TRIM33: variants seen among roughly 807,000 people sequenced by gnomAD.
TRIM33 encodes tripartite motif containing 33.
Under a neutral mutation model 125.4 loss-of-function variants are expected in TRIM33, and 20 were observed. That is an observed-to-expected ratio of 0.16 (90% confidence interval 0.11 to 0.23). The LOEUF is 0.23. TRIM33 is among the 10% of genes least tolerant of loss of function. The pLI is 1.00. For synonymous variants in TRIM33, 564 were observed against 513.9 expected (o/e 1.10, Z -1.32); for missense variants, 920 against 1,411.4 (o/e 0.65, Z 5.58).
chr1:114,393,097 A>G lies in TRIM33; in HGVS notation c.*4551T>C. The G allele has an allele frequency of 4.9e-6, 1 of 205,142 alleles. No individual in the cohort carries two copies. Among genetic ancestry groups the G allele is most frequent in the Non-Finnish European group, 1.0e-5 (1 of 99,782 alleles). 12.7% of individuals were successfully genotyped at this position (205,142 alleles called of 1,614,324 possible). On this transcript the variant is annotated 3_prime_UTR_variant, in exon 20 of 20. Transcript: ENST00000358465. ...GAATCATATTGAAGGGCAGTTAACT[A>G]TGTGCAAAAATAATAGTACTAGTAG...
chr1:114,501,428 G>A (rs1652709245), intron 1 of TRIM33, among the ~76,000 whole-genome samples: 1 of 152,190 alleles, frequency 6.6e-6, no homozygotes. Context: ...AGGACTACTA[G>A]AGTATCTTTC....
At chr1:114,507,206 G>A (rs1653053028) in intron 1 of TRIM33, among the ~76,000 whole-genome samples, 1 of 152,216 alleles carries the variant, frequency 6.6e-6, no homozygotes, top group South Asian at 2.1e-4. Context: ...TCAAGACAGT[G>A]GTTCTCAAAC....
chr1:114,406,323 A>G (rs545299967), intron 14 of TRIM33, among the ~76,000 whole-genome samples: 148 of 152,322 alleles, frequency 9.7e-4, no homozygotes, highest in African/African-American at 3.5e-3. Context: ...TGTTAAATAT[A>G]CCAATACCTT....
chr1:114,492,882 CTGTT>C (rs1209853735), intron 1 of TRIM33, among the ~76,000 whole-genome samples: 1 of 152,196 alleles, frequency 6.6e-6, no homozygotes, highest in Non-Finnish European at 1.5e-5. Context: ...TGGCAAGTAT[CTGTT>C]TGAGTCCCAG....
intron 10 of TRIM33, among the ~76,000 whole-genome samples, chr1:114,423,365 TCAAGTC>T (rs1352911020): frequency 6.6e-6 from 1 of 152,148 alleles, no homozygotes; most frequent in Non-Finnish European, 1.5e-5. Context: ...GAAGTGTAAT[TCAAGTC>T]CAAGGAGAGC....
chr1:114,401,547 A>C, intron 16 of TRIM33, 84 bp from the exon 17 acceptor site: 1 of 1,133,376 alleles, frequency 8.8e-7, no homozygotes, highest in Non-Finnish European at 1.3e-6. Flanking sequence ...TATCACAACA[A>C]AGTTTGATTA....
At chr1:114,439,546 AAC>A (rs1553212148) in intron 4 of TRIM33, among the ~76,000 whole-genome samples, 8 of 151,796 alleles carry the variant, frequency 5.3e-5, no homozygotes, top group African/African-American at 1.9e-4. Flanking sequence ...TCAAAAAAAA[AAC>A]AGTGAGCAGT....
intron 1 of TRIM33, among the ~76,000 whole-genome samples, chr1:114,475,302 G>A (rs899884654): frequency 2.6e-5 from 4 of 152,144 alleles, no homozygotes; most frequent in African/African-American, 9.7e-5. Context: ...CAAAGATGAA[G>A]AACCACAATA....
chr1:114,491,188 G>A (rs1466047878), intron 1 of TRIM33, among the ~76,000 whole-genome samples: 2 of 152,068 alleles, frequency 1.3e-5, no homozygotes, highest in Non-Finnish European at 2.9e-5. Flanking sequence ...TTTAATGAGT[G>A]GCTATATTAA....
At chr1:114,421,378 C>T (rs1036580194) in intron 11 of TRIM33, 58 bp downstream of exon 11, 3 of 1,467,620 alleles carry the variant, frequency 2.0e-6, no homozygotes, top group African/African-American at 2.8e-5. Context: ...GAAATAAATA[C>T]TCTAACTCTG....
At chr1:114,459,785 A>C (rs1649847716) in intron 4 of TRIM33, 1 of 152,160 alleles carries the variant, frequency 6.6e-6, no homozygotes, top group Admixed American at 6.5e-5. Flanking sequence ...TATACAGTTA[A>C]ACAAAAATTA....
At chr1:114,509,414 G>A (rs377397731) in intron 1 of TRIM33, among the ~76,000 whole-genome samples, 3 of 152,188 alleles carry the variant, frequency 2.0e-5, no homozygotes, top group East Asian at 1.9e-4. Flanking sequence ...AAACATTAAC[G>A]TGTTTGATAG....
At chr1:114,497,995 G>A (rs2101558571) in intron 1 of TRIM33, among the ~76,000 whole-genome samples, 1 of 152,084 alleles carries the variant, frequency 6.6e-6, no homozygotes, top group Admixed American at 6.5e-5. Flanking sequence ...GGGCACAGTG[G>A]TACACGTCTA....
At chr1:114,458,185 T>C (rs1649737432) in intron 4 of TRIM33, among the ~76,000 whole-genome samples, 1 of 152,202 alleles carries the variant, frequency 6.6e-6, no homozygotes, top group Admixed American at 6.5e-5. Flanking sequence ...GTAAAGCTAA[T>C]GAAAGGCTAT....
At chr1:114,434,544 T>C (rs942671158) in intron 4 of TRIM33, among the ~76,000 whole-genome samples, 3 of 152,256 alleles carry the variant, frequency 2.0e-5, no homozygotes, top group Non-Finnish European at 4.4e-5. Flanking sequence ...AGTGCAAATA[T>C]AGACTCTAAT....
At chr1:114,452,245 A>C (rs2101313132) in intron 4 of TRIM33, among the ~76,000 whole-genome samples, 1 of 152,216 alleles carries the variant, frequency 6.6e-6, no homozygotes, top group South Asian at 2.1e-4. Context: ...GCGGATCACG[A>C]GGTCGAGAGA....
At chr1:114,476,713 T>G (rs979387731) in intron 1 of TRIM33, among the ~76,000 whole-genome samples, 1 of 152,136 alleles carries the variant, frequency 6.6e-6, no homozygotes, top group South Asian at 2.1e-4. Flanking sequence ...TCCATGTAAC[T>G]CTAAAGCAAG....
At chr1:114,434,508 A>G (rs913761732) in intron 4 of TRIM33, among the ~76,000 whole-genome samples, 4 of 152,248 alleles carry the variant, frequency 2.6e-5, no homozygotes, top group Admixed American at 6.5e-5. Context: ...CATGAATGCT[A>G]TATGTTAAAA....
At chr1:114,461,123 A>G (rs1649955590) in intron 4 of TRIM33, among the ~76,000 whole-genome samples, 1 of 151,478 alleles carries the variant, frequency 6.6e-6, no homozygotes, top group Non-Finnish European at 1.5e-5. Flanking sequence ...AGGAGGGAGG[A>G]CAGCCTCAGG....
Sources: allele counts gnomAD v4.1 joint callset (sites outside exome capture counted in the v4.1 genomes callset), GRCh38; gene constraint gnomAD v4.1.1; transcripts MANE v1.5; gene names NCBI Gene and HGNC (gene_info 2026-07-23, HGNC 2026-07-21).